BRD10: variants seen among roughly 807,000 people sequenced by gnomAD.
The protein encoded by BRD10 is uncharacterized bromodomain-containing protein 10.
the BRD10 span, chr9:5,897,562 C>T: frequency 6.2e-7 from 1 of 1,614,028 alleles, no homozygotes; most frequent in East Asian, 2.2e-5. Context: ...GCCAGGGCCG[C>T]TGGGATCGGC....
chr9:5,949,784 C>T, the BRD10 span, among the ~76,000 whole-genome samples: 36 of 152,012 alleles, frequency 2.4e-4, no homozygotes, highest in Middle Eastern at 3.4e-3. Flanking sequence ...TAATTATGTA[C>T]AAAAGATAAG....
At chr9:5,885,779 G>C in the BRD10 span, among the ~76,000 whole-genome samples, 4 of 152,182 alleles carry the variant, frequency 2.6e-5, no homozygotes, top group Non-Finnish European at 5.9e-5. Context: ...CTTGCTCAAG[G>C]TCTCACAGAT....
At chr9:5,984,305 A>C in the BRD10 span, among the ~76,000 whole-genome samples, 3 of 152,190 alleles carry the variant, frequency 2.0e-5, no homozygotes, top group Non-Finnish European at 2.9e-5. Context: ...ATGTAGAAGG[A>C]AGGCATACGA....
the BRD10 span, chr9:5,921,255 G>C: frequency 6.2e-7 from 1 of 1,613,974 alleles, no homozygotes; most frequent in Non-Finnish European, 8.5e-7. Flanking sequence ...ACAATTGCTT[G>C]ACCTATGTTT....
chr9:5,885,286 T>G, the BRD10 span, among the ~76,000 whole-genome samples: 1 of 152,246 alleles, frequency 6.6e-6, no homozygotes, highest in Non-Finnish European at 1.5e-5. Context: ...CCCTCCGAAC[T>G]GTTTGTACAT....
the BRD10 span, among the ~76,000 whole-genome samples, chr9:5,903,056 A>G: frequency 2.0e-5 from 3 of 152,264 alleles, no homozygotes; most frequent in Non-Finnish European, 2.9e-5. Context: ...ATATATTTAA[A>G]TTTCTCCTGA....
the BRD10 span, among the ~76,000 whole-genome samples, chr9:5,982,361 A>G: frequency 6.6e-6 from 1 of 152,186 alleles, no homozygotes; most frequent in East Asian, 1.9e-4. Flanking sequence ...GTGCTAGGAC[A>G]GCTGGTTTGA....
chr9:5,978,966 A>G, the BRD10 span, among the ~76,000 whole-genome samples: 1 of 152,254 alleles, frequency 6.6e-6, no homozygotes, highest in Non-Finnish European at 1.5e-5. Flanking sequence ...AACTTGTACT[A>G]TAGGAAATTA....
the BRD10 span, among the ~76,000 whole-genome samples, chr9:5,915,421 T>G: frequency 2.6e-5 from 4 of 152,250 alleles, no homozygotes; most frequent in Non-Finnish European, 5.9e-5. Context: ...GTCCCCATCT[T>G]AAGTTTGACT....
chr9:5,984,874 C>A, the BRD10 span, among the ~76,000 whole-genome samples: 1 of 151,890 alleles, frequency 6.6e-6, no homozygotes, highest in East Asian at 1.9e-4. Context: ...TAATCTCAAT[C>A]AACCTTCCCA....
the BRD10 span, among the ~76,000 whole-genome samples, chr9:5,975,297 G>C: frequency 6.6e-6 from 1 of 151,872 alleles, no homozygotes; most frequent in South Asian, 2.1e-4. Context: ...AAATTAGCTG[G>C]GCGTGGTGGT....
At chr9:5,916,512 T>C in the BRD10 span, among the ~76,000 whole-genome samples, 2 of 142,446 alleles carry the variant, frequency 1.4e-5, no homozygotes, top group Non-Finnish European at 3.1e-5. Context: ...TATGTGTATA[T>C]ATACATATGT....
At chr9:5,959,090 C>T in the BRD10 span, among the ~76,000 whole-genome samples, 2 of 152,084 alleles carry the variant, frequency 1.3e-5, no homozygotes, top group Non-Finnish European at 2.9e-5. Context: ...TTCTTTTTAC[C>T]CTTTAACTTA....
chr9:5,999,572 T>G, the BRD10 span, among the ~76,000 whole-genome samples: 1 of 152,114 alleles, frequency 6.6e-6, no homozygotes, highest in East Asian at 1.9e-4. Context: ...CTCCCGAATA[T>G]TAGCACAGCA....
the BRD10 span, among the ~76,000 whole-genome samples, chr9:5,917,626 C>T: frequency 1.3e-5 from 2 of 152,094 alleles, no homozygotes; most frequent in Non-Finnish European, 2.9e-5. Flanking sequence ...CTGAGGTGGG[C>T]GGATCACCTG....
the BRD10 span, among the ~76,000 whole-genome samples, chr9:5,916,260 T>C: frequency 6.6e-6 from 1 of 152,194 alleles, no homozygotes; most frequent in Non-Finnish European, 1.5e-5. Flanking sequence ...TCAAATTTCT[T>C]AGATCTCTTT....
the BRD10 span, among the ~76,000 whole-genome samples, chr9:5,955,544 TTAC>T: frequency 6.6e-6 from 1 of 152,214 alleles, no homozygotes. Flanking sequence ...GTTTTTTGTA[TTAC>T]TTTTTAATCA....
At chr9:5,912,093 G>T in the BRD10 span, among the ~76,000 whole-genome samples, 1 of 152,060 alleles carries the variant, frequency 6.6e-6, no homozygotes, top group Non-Finnish European at 1.5e-5. Context: ...TAATTGTAGA[G>T]ATCTTTCACT....
chr9:5,944,950 G>A, the BRD10 span: 1 of 1,513,804 alleles, frequency 6.6e-7, no homozygotes, highest in Middle Eastern at 1.7e-4. Flanking sequence ...ATCAAGATTA[G>A]TGCAAATAAG....
Sources: allele counts gnomAD v4.1 joint callset (sites outside exome capture counted in the v4.1 genomes callset), GRCh38; gene constraint gnomAD v4.1.1; transcripts MANE v1.5; gene names NCBI Gene and HGNC (gene_info 2026-07-23, HGNC 2026-07-21).